The following MAPKAP1 variants were observed in gnomAD, a reference collection of about 807,000 sequenced individuals.
MAPKAP1 encodes the protein target of rapamycin complex 2 subunit MAPKAP1.
A neutral mutation model predicts 65.7 loss-of-function variants in MAPKAP1; 20 were observed. That is an observed-to-expected ratio of 0.30 (90% confidence interval 0.21 to 0.44). MAPKAP1 has a LOEUF of 0.44. MAPKAP1 is among the 20% of genes least tolerant of loss of function. The pLI is 1.00. For missense variants in MAPKAP1, 423 were observed against 648.0 expected, an observed-to-expected ratio of 0.65 and a Z score of 3.77; for synonymous variants, 222 against 244.3, an observed-to-expected ratio of 0.91 and a Z score of 0.85.
chr9:125,485,019 G>A (rs1854451019), intron 8 of MAPKAP1, among the ~76,000 whole-genome samples: 1 of 151,970 alleles, frequency 6.6e-6, no homozygotes, highest in South Asian at 2.1e-4. Context: ...CTTCTTTACT[G>A]CCTCTCACCC....
At chr9:125,463,131 T>C (rs1471129150) in intron 10 of MAPKAP1, among the ~76,000 whole-genome samples, 1 of 152,244 alleles carries the variant, frequency 6.6e-6, no homozygotes, top group African/African-American at 2.4e-5. Flanking sequence ...AACCGCTCGA[T>C]AGCAAGACGT....
chr9:125,543,112 T>G lies in MAPKAP1; in HGVS notation c.905A>C (p.Lys302Thr). ...CTTCACTGCCTTCAGTAAGATTTCC[T>G]TCATGGTAACCTTTGTGTTGTCCAC... ...IQVDNTKVTM[K>T]EILLKAVKRR... The change falls in exon 7 of 12, where the codon AAG (lysine) becomes ACG (threonine). Residue 302 changes from lysine to threonine, a missense_variant. Lys to Thr is a moderately conservative substitution (Grantham distance 78, BLOSUM62 -1). Coordinates refer to ENST00000265960, the MANE Select transcript of MAPKAP1 (RefSeq NM_001006617.3). 6.2e-7 allele frequency: 1 copy of G among 1,614,110 alleles called. No individual in the cohort carries two copies. The highest frequency in any genetic ancestry group is 8.5e-7 in the Non-Finnish European group (1 of 1,179,934).
At chr9:125,632,141 G>C (rs972170174) in intron 4 of MAPKAP1, among the ~76,000 whole-genome samples, 2 of 151,048 alleles carry the variant, frequency 1.3e-5, no homozygotes, top group African/African-American at 4.9e-5. Context: ...AGAATCACTT[G>C]AACCCAGGAG....
At chr9:125,494,401 C>T (rs1055731443) in intron 8 of MAPKAP1, among the ~76,000 whole-genome samples, 1 of 152,170 alleles carries the variant, frequency 6.6e-6, no homozygotes, top group African/African-American at 2.4e-5. Context: ...CATGCTACCA[C>T]CGGGGTAGGG....
At chr9:125,643,528 A>G (rs754251298) in intron 4 of MAPKAP1, among the ~76,000 whole-genome samples, 7 of 152,212 alleles carry the variant, frequency 4.6e-5, no homozygotes, top group Non-Finnish European at 1.0e-4. Context: ...TTTATTCACC[A>G]TATTATACAA....
intron 10 of MAPKAP1, among the ~76,000 whole-genome samples, chr9:125,452,103 C>T (rs1852977860): frequency 6.6e-6 from 1 of 152,032 alleles, no homozygotes; most frequent in African/African-American, 2.4e-5. Flanking sequence ...AGCCACCGCA[C>T]CAGCCCGTTT....
chr9:125,630,258 TGAGAC>T (rs1833241545), intron 4 of MAPKAP1, among the ~76,000 whole-genome samples: 1 of 152,028 alleles, frequency 6.6e-6, no homozygotes, highest in South Asian at 2.1e-4. Context: ...CCCAAGTAGC[TGAGAC>T]AACAGGCGCG....
chr9:125,596,075 G>T, intron 4 of MAPKAP1: 2 of 1,103,386 alleles, frequency 1.8e-6, no homozygotes, highest in Non-Finnish European at 2.7e-6. Flanking sequence ...TTGAAATCAC[G>T]ACTGACCGAG....
intron 7 of MAPKAP1, among the ~76,000 whole-genome samples, chr9:125,538,025 T>C (rs537199738): frequency 3.3e-5 from 5 of 152,314 alleles, no homozygotes; most frequent in Admixed American, 1.3e-4. Flanking sequence ...TGTATTTTTT[T>C]CTCCATTTCT....
chr9:125,595,579 A>C lies in MAPKAP1; in HGVS notation c.499-9852T>G. Reference sequence around the variant, plus strand: ...ATTCAGTTCAAAATAATCTTGAATTAAGAAATATCATGCTATGTTTGTCAG... The same window carrying C: ...ATTCAGTTCAAAATAATCTTGAATTCAGAAATATCATGCTATGTTTGTCAG... On this transcript the variant is annotated intron_variant, in intron 4 of 11. Transcript: ENST00000265960. This position sits in a 1 kb window ranked among gnomAD's most constrained non-coding sequence, Gnocchi z 4.0. The C allele has an allele frequency of 1.6e-6, 2 of 1,255,136 alleles. No individual in the cohort carries two copies. The highest frequency in any genetic ancestry group is 2.0e-6 in the Non-Finnish European group (2 of 992,850). The allele number at this position is 1,255,136 out of a possible 1,614,324, so 77.7% of individuals were successfully genotyped here.
At chr9:125,466,177 C>T (rs1471425586) in intron 10 of MAPKAP1, among the ~76,000 whole-genome samples, 1 of 152,162 alleles carries the variant, frequency 6.6e-6, no homozygotes, top group Non-Finnish European at 1.5e-5. Context: ...GCCAGGAACT[C>T]AAGAACAGCC....
intron 7 of MAPKAP1, among the ~76,000 whole-genome samples, chr9:125,537,622 C>T (rs1391149263): frequency 6.6e-6 from 1 of 152,194 alleles, no homozygotes; most frequent in African/African-American, 2.4e-5. Context: ...ACTGGGACTA[C>T]ACGCATGTGC....
chr9:125,466,944 C>T (rs911556424), intron 10 of MAPKAP1, among the ~76,000 whole-genome samples: 1 of 152,360 alleles, frequency 6.6e-6, no homozygotes, highest in South Asian at 2.1e-4. Context: ...AAACTTGAAT[C>T]GTATTACAAA....
intron 9 of MAPKAP1, among the ~76,000 whole-genome samples, chr9:125,479,906 T>C (rs1436931477): frequency 6.6e-6 from 1 of 152,182 alleles, no homozygotes; most frequent in Non-Finnish European, 1.5e-5. Context: ...TGACACAGGA[T>C]GGACAGGTGG....
At position 125,447,518 on chromosome 9, in the gene MAPKAP1, G is replaced by A. The variant is rs1319024999; in HGVS notation, c.1346-2920C>T. On this transcript the variant is annotated intron_variant, in intron 10 of 11. Coordinates refer to ENST00000265960, the MANE Select transcript of MAPKAP1 (RefSeq NM_001006617.3). The surrounding 1 kb of genome is among the most constrained non-coding windows in gnomAD (Gnocchi z 4.5). ...GGGCAAGGGCAGGTTAAGATCAGCAGCCATGCTGGGCCATAGGACATGGGG... is the reference window on the plus strand; with the variant it reads ...GGGCAAGGGCAGGTTAAGATCAGCAACCATGCTGGGCCATAGGACATGGGG... 2.2e-6 allele frequency: 1 copy of A among 456,420 alleles called. No individual in the cohort carries two copies. The highest frequency in any genetic ancestry group is 2.3e-5 in the Admixed American group (1 of 42,572). The allele number at this position is 456,420 out of a possible 1,614,324, so 28.3% of individuals were successfully genotyped here.
At position 125,451,533 on chromosome 9, in the gene MAPKAP1, T is replaced by C. The variant is rs1852948614; in HGVS notation, c.1346-6935A>G. Reference sequence around the variant, plus strand: ...TCTCCAGAGTTTCAGAGCTGAGCAGTGGGTATGGCTGCCACCTCCACATGG... The same window carrying C: ...TCTCCAGAGTTTCAGAGCTGAGCAGCGGGTATGGCTGCCACCTCCACATGG... On this transcript the variant is annotated intron_variant, in intron 10 of 11. Coordinates refer to ENST00000265960, the MANE Select transcript of MAPKAP1 (RefSeq NM_001006617.3). Among the ~76,000 whole-genome samples, 2 of 152,140 alleles carry C rather than the reference T, an allele frequency of 1.3e-5. 1 individual carries two copies. Among genetic ancestry groups the C allele is most frequent in the South Asian group, 4.1e-4 (2 of 4,820 alleles).
chr9:125,697,408 T>C (rs1271696619), intron 1 of MAPKAP1, among the ~76,000 whole-genome samples: 1 of 152,230 alleles, frequency 6.6e-6, no homozygotes, highest in Non-Finnish European at 1.5e-5. Context: ...TCTTATAATC[T>C]CACCACCTAT....
At chr9:125,522,680 C>T (rs537138347) in intron 7 of MAPKAP1, among the ~76,000 whole-genome samples, 1 of 152,190 alleles carries the variant, frequency 6.6e-6, no homozygotes, top group Non-Finnish European at 1.5e-5. Flanking sequence ...TTAGAGTGCT[C>T]TCCAGAGCCA....
intron 4 of MAPKAP1, among the ~76,000 whole-genome samples, chr9:125,601,337 T>C (rs1302101686): frequency 6.6e-6 from 1 of 150,810 alleles, no homozygotes; most frequent in Non-Finnish European, 1.5e-5. Flanking sequence ...ATTCATTTCT[T>C]GCAGGGTTTC....
Sources: allele counts gnomAD v4.1 joint callset (sites outside exome capture counted in the v4.1 genomes callset), GRCh38; gene constraint gnomAD v4.1.1; non-coding constraint Gnocchi (gnomAD v3.1); transcripts MANE v1.5; gene names NCBI Gene and HGNC (gene_info 2026-07-23, HGNC 2026-07-21).